The following CTNNA2 variants were observed in gnomAD, a reference collection of about 807,000 sequenced individuals.
CTNNA2 encodes catenin alpha-2.
A neutral mutation model predicts 101.0 loss-of-function variants in CTNNA2; 42 were observed. The observed-to-expected ratio is 0.42, with a 90% CI of 0.32 to 0.54. The LOEUF is 0.54. Ranked by LOEUF, CTNNA2 falls within the 20% of genes least tolerant of loss-of-function variation. The pLI, the probability that CTNNA2 is intolerant of heterozygous loss-of-function variation, is 0.14. For missense variants in CTNNA2, 871 were observed against 1,223.1 expected, an observed-to-expected ratio of 0.71 and a Z score of 4.29; for synonymous variants, 450 against 456.4, an observed-to-expected ratio of 0.99 and a Z score of 0.18.
At chr2:80,376,670 A>G (rs1675986608) in intron 7 of CTNNA2, among the ~76,000 whole-genome samples, 1 of 152,112 alleles carries the variant, frequency 6.6e-6, no homozygotes, top group African/African-American at 2.4e-5. Flanking sequence ...GTTCAGACCC[A>G]GCTCTGGAGG....
At position 79,652,540 on chromosome 2, in the gene CTNNA2, T is replaced by C. The variant is rs2104481570; in HGVS notation, c.102+882T>C. Among the ~76,000 whole-genome samples, 2 of 152,250 alleles carry C rather than the reference T, an allele frequency of 1.3e-5. 1 individual carries two copies. Among genetic ancestry groups the C allele is most frequent in the South Asian group, 4.1e-4 (2 of 4,826 alleles). Reference sequence around the variant, plus strand: ...TGCACTCTGACCTTTGCTTTTGTCCTTGCATCCCATCTCTGAAATTGTCTT... The same window carrying C: ...TGCACTCTGACCTTTGCTTTTGTCCCTGCATCCCATCTCTGAAATTGTCTT... On this transcript the variant is annotated intron_variant, in intron 2 of 18. Coordinates refer to ENST00000402739, the MANE Select transcript of CTNNA2 (RefSeq NM_001282597.3).
chr2:80,550,298 G>A (rs1053093770), intron 11 of CTNNA2, among the ~76,000 whole-genome samples: 2 of 152,182 alleles, frequency 1.3e-5, no homozygotes, highest in Non-Finnish European at 2.9e-5. Flanking sequence ...CCTTCAGCCA[G>A]CCATAATCTC....
At chr2:79,323,753 C>A (rs1676678964) in intron 3 of CTNNA2, among the ~76,000 whole-genome samples, 1 of 152,108 alleles carries the variant, frequency 6.6e-6, no homozygotes, top group African/African-American at 2.4e-5. Flanking sequence ...CTGGGAAAGT[C>A]TTTTGGGTAT....
At chr2:79,206,141 A>T (rs1415036170) in intron 2 of CTNNA2, among the ~76,000 whole-genome samples, 1 of 152,202 alleles carries the variant, frequency 6.6e-6, no homozygotes, top group Non-Finnish European at 1.5e-5. Flanking sequence ...TGTACTTTAT[A>T]GGCATTACTA....
At chr2:80,536,283 T>C (rs1385555257) in intron 9 of CTNNA2, among the ~76,000 whole-genome samples, 1 of 152,186 alleles carries the variant, frequency 6.6e-6, no homozygotes, top group African/African-American at 2.4e-5. Flanking sequence ...GTGAAATCTG[T>C]GCCACCATCC....
chr2:80,540,596 CAAAA>C (rs201536941), intron 9 of CTNNA2, among the ~76,000 whole-genome samples: 1 of 132,774 alleles, frequency 7.5e-6, no homozygotes, highest in African/African-American at 2.7e-5. Flanking sequence ...GACTCCATCT[CAAAA>C]AAAAAAAAAA....
intron 2 of CTNNA2, among the ~76,000 whole-genome samples, chr2:79,697,622 C>T (rs1684729113): frequency 6.6e-6 from 1 of 152,024 alleles, no homozygotes; most frequent in Admixed American, 6.6e-5. Flanking sequence ...ACTGTGAGGC[C>T]AGGTATAGCC....
chr2:79,277,956 C>T (rs934496798), intron 2 of CTNNA2, among the ~76,000 whole-genome samples: 1 of 152,124 alleles, frequency 6.6e-6, no homozygotes, highest in East Asian at 1.9e-4. Context: ...CTGCTCTGGG[C>T]TACTGCTGCT....
intron 7 of CTNNA2, among the ~76,000 whole-genome samples, chr2:80,098,673 C>T (rs1017361879): frequency 1.4e-4 from 21 of 152,190 alleles, no homozygotes; most frequent in Admixed American, 5.2e-4. Flanking sequence ...GCTTCCTAGC[C>T]GCTTTGTTTA....
chr2:79,400,409 C>T (rs1678277199), intron 4 of CTNNA2, among the ~76,000 whole-genome samples: 3 of 151,830 alleles, frequency 2.0e-5, no homozygotes, highest in Admixed American at 2.0e-4. Context: ...GATGTATTTT[C>T]CTCTCATAGC....
chr2:80,261,089 G>A (rs1283669546), intron 7 of CTNNA2, among the ~76,000 whole-genome samples: 1 of 152,124 alleles, frequency 6.6e-6, no homozygotes, highest in African/African-American at 2.4e-5. Flanking sequence ...TTGATCCTTG[G>A]TTGAATTGCT....
At chr2:80,411,819 T>A (rs1573976974) in intron 8 of CTNNA2, among the ~76,000 whole-genome samples, 1 of 152,168 alleles carries the variant, frequency 6.6e-6, no homozygotes, top group East Asian at 1.9e-4. Context: ...AGCCAGTGAT[T>A]TTTGACAGAA....
intron 9 of CTNNA2, among the ~76,000 whole-genome samples, chr2:80,529,389 G>A (rs1234339906): frequency 6.6e-6 from 1 of 152,130 alleles, no homozygotes; most frequent in South Asian, 2.1e-4. Context: ...ATATCTATGT[G>A]TACATAATCT....
At chr2:80,440,623 T>A (rs1027418485) in intron 9 of CTNNA2, among the ~76,000 whole-genome samples, 2 of 145,992 alleles carry the variant, frequency 1.4e-5, no homozygotes, top group Non-Finnish European at 3.0e-5. Flanking sequence ...CCTTACTGGA[T>A]AAAGTTGATG....
At chr2:79,375,047 C>T (rs1290466774) in intron 4 of CTNNA2, among the ~76,000 whole-genome samples, 1 of 152,108 alleles carries the variant, frequency 6.6e-6, no homozygotes, top group Non-Finnish European at 1.5e-5. Context: ...TTGGAACATC[C>T]TATATGCATA....
Position 80,528,507 on chromosome 2 carries a change from A to G in CTNNA2, c.1291-16475A>G, listed in dbSNP as rs116131734. Among the ~76,000 whole-genome samples the G allele has an allele frequency of 4.4e-3, 672 of 151,932 alleles. 4 individuals are homozygous for G. Among genetic ancestry groups the G allele is most frequent in the African/African-American group, 0.015 (631 of 41,464 alleles). ...CACCGTGCCCAGCCCTTAGCCATACATTTCTAACAAGCCCCCAGGTATTGC... is the reference window on the plus strand; with the variant it reads ...CACCGTGCCCAGCCCTTAGCCATACGTTTCTAACAAGCCCCCAGGTATTGC... On this transcript the variant is annotated intron_variant, in intron 9 of 18. Transcript: ENST00000402739.
intron 7 of CTNNA2, among the ~76,000 whole-genome samples, chr2:80,209,759 A>G (rs1421341362): frequency 1.3e-5 from 2 of 152,182 alleles, no homozygotes; most frequent in Non-Finnish European, 2.9e-5. Context: ...AAGTTGTTTC[A>G]GTCAGTTAAG....
At chr2:80,453,595 A>C (rs188766950) in intron 9 of CTNNA2, among the ~76,000 whole-genome samples, 1 of 152,320 alleles carries the variant, frequency 6.6e-6, no homozygotes, top group East Asian at 1.9e-4. Flanking sequence ...ACAGAAAAAC[A>C]AGACAGAAGA....
intron 7 of CTNNA2, among the ~76,000 whole-genome samples, chr2:80,365,051 T>C (rs987708407): frequency 2.6e-5 from 4 of 152,166 alleles, no homozygotes; most frequent in African/African-American, 9.7e-5. Flanking sequence ...ATCACTTCTT[T>C]CTTTTTATCT....
Sources: allele counts gnomAD v4.1 joint callset (sites outside exome capture counted in the v4.1 genomes callset), GRCh38; gene constraint gnomAD v4.1.1; transcripts MANE v1.5; gene names NCBI Gene and HGNC (gene_info 2026-07-23, HGNC 2026-07-21).